Variants in PRKCQ observed in about 807,000 individuals in gnomAD.
PRKCQ encodes the protein protein kinase C theta.
In PRKCQ, 41 loss-of-function variants were observed where a neutral mutation model predicts 91.2. The ratio of observed to expected loss-of-function variants is 0.45; its 90% CI spans 0.35 to 0.58. PRKCQ has a LOEUF of 0.58. PRKCQ is among the 20% of genes least tolerant of loss of function. The pLI is 0.00. For synonymous variants in PRKCQ, 307 were observed against 316.9 expected (o/e 0.97, Z 0.33); for missense variants, 673 against 896.5 (o/e 0.75, Z 3.18).
At chr10:6,515,188 G>T (rs747551349) in intron 1 of PRKCQ, 44 bp from the exon 2 acceptor site, 4 of 1,608,278 alleles carry the variant, frequency 2.5e-6, no homozygotes, top group Non-Finnish European at 1.7e-6. Flanking sequence ...GGCTATAAAA[G>T]ATATTATTTT....
rs750956251 is a variant in PRKCQ at position 6,483,572 on chromosome 10, C to T, written c.1047G>A (p.Pro349=). Residue 349 remains proline, a synonymous_variant, in exon 11 of 18, where the codon CCG becomes CCA. Coordinates refer to ENST00000263125, the MANE Select transcript of PRKCQ (RefSeq NM_006257.5). ...REPQGISWES[P]LDEVDKMCHL... ...GGCACATTTTATCCACCTCATCCAA[C>T]GGAGACTCCCAGGAAATGCCCTGAG... 185 of 1,614,062 alleles carry T rather than the reference C, an allele frequency of 1.1e-4. 2 individuals are homozygous for T. The South Asian group carries it at 1.6e-3, about 14-fold the overall frequency.
At chr10:6,399,253 T>C in the PRKCQ span, among the ~76,000 whole-genome samples, 3 of 152,222 alleles carry the variant, frequency 2.0e-5, no homozygotes, top group African/African-American at 4.8e-5. Context: ...TCGATAAATA[T>C]TCACCGTGAT....
intron 1 of PRKCQ, among the ~76,000 whole-genome samples, chr10:6,579,184 G>A (rs12267257): frequency 0.012 from 1,854 of 152,306 alleles, 56 homozygotes; most frequent in African/African-American, 0.043. Context: ...CAGCAGGCTT[G>A]AGGTGTGCTC....
At chr10:6,536,605 TCTC>T (rs1417356265) in intron 1 of PRKCQ, among the ~76,000 whole-genome samples, 2 of 152,146 alleles carry the variant, frequency 1.3e-5, no homozygotes, top group African/African-American at 4.8e-5. Flanking sequence ...CCGCTCCCCT[TCTC>T]CTCTTCCTCC....
downstream of PRKCQ, among the ~76,000 whole-genome samples, chr10:6,425,652 C>A (rs1350338292): frequency 6.6e-6 from 1 of 151,998 alleles, no homozygotes; most frequent in African/African-American, 2.4e-5. Flanking sequence ...AGTCACCTGA[C>A]ATATTCATAC....
At chr10:6,552,263 G>A (rs1840216005) in intron 1 of PRKCQ, among the ~76,000 whole-genome samples, 1 of 151,902 alleles carries the variant, frequency 6.6e-6, no homozygotes, top group Admixed American at 6.6e-5. Context: ...TTTTATACAT[G>A]TTTTATATAC....
chr10:6,556,562 C>T (rs756166526), intron 1 of PRKCQ, among the ~76,000 whole-genome samples: 6 of 151,634 alleles, frequency 4.0e-5, no homozygotes, highest in Non-Finnish European at 7.4e-5. Context: ...TTACTGCTTA[C>T]TGGGTACAGA....
At chr10:6,435,352 A>G (rs1036520568) in intron 16 of PRKCQ, among the ~76,000 whole-genome samples, 1 of 152,228 alleles carries the variant, frequency 6.6e-6, no homozygotes, top group African/African-American at 2.4e-5. Context: ...CAAATTCCCT[A>G]GAAGACGTTT....
chr10:6,548,106 T>C (rs1840034071), intron 1 of PRKCQ, among the ~76,000 whole-genome samples: 1 of 152,152 alleles, frequency 6.6e-6, no homozygotes, highest in Admixed American at 6.5e-5. Context: ...AGAAGACATT[T>C]ATGCAGCCAA....
chr10:6,514,592 C>T (rs571715), intron 2 of PRKCQ, among the ~76,000 whole-genome samples: 113,682 of 152,192 alleles, frequency 0.75, 43,178 homozygotes, highest in Admixed American at 0.85. Context: ...ACTGAAGATT[C>T]GCCAAAGCAG....
At chr10:6,424,493 G>A (rs1833072370), downstream of PRKCQ, among the ~76,000 whole-genome samples, 1 of 152,124 alleles carries the variant, frequency 6.6e-6, no homozygotes, top group South Asian at 2.1e-4. Context: ...GTTGGGAAAG[G>A]ACAGAGAAAG....
intron 1 of PRKCQ, among the ~76,000 whole-genome samples, chr10:6,564,061 GGAGC>G (rs1840739780): frequency 6.6e-6 from 1 of 152,176 alleles, no homozygotes; most frequent in Non-Finnish European, 1.5e-5. Flanking sequence ...AGGCTTCTGG[GGAGC>G]TACGAGGTGC....
chr10:6,422,695 CCTT>C (rs1178001860), downstream of PRKCQ, among the ~76,000 whole-genome samples: 3 of 152,208 alleles, frequency 2.0e-5, no homozygotes, highest in Non-Finnish European at 4.4e-5. Flanking sequence ...ACTGAGCTCT[CCTT>C]CTGCCACCTG....
intron 1 of PRKCQ, among the ~76,000 whole-genome samples, chr10:6,566,792 A>G (rs1840852110): frequency 6.6e-6 from 1 of 152,124 alleles, no homozygotes. Flanking sequence ...GGAAGAAGTC[A>G]GTGCACCCAA....
At chr10:6,493,969 C>T (rs1033704012) in intron 7 of PRKCQ, among the ~76,000 whole-genome samples, 1 of 152,166 alleles carries the variant, frequency 6.6e-6, no homozygotes, top group Admixed American at 6.5e-5. Context: ...AGGCTGACTC[C>T]GTCAAATTCA....
chr10:6,486,019 C>G lies in PRKCQ; in HGVS notation c.900+16G>C, dbSNP rs200485364. ...AGCGGCCATGGCGGGAACGTGTCCA[C>G]GGCACATGCTCCTACCTGTTGAGTG... On this transcript the variant is annotated intron_variant, in intron 9 of 17. Coordinates refer to ENST00000263125, the MANE Select transcript of PRKCQ (RefSeq NM_006257.5). The G allele has an allele frequency of 6.2e-7, 1 of 1,603,596 alleles. No individual in the cohort carries two copies. Among genetic ancestry groups the G allele is most frequent in the Non-Finnish European group, 8.5e-7 (1 of 1,172,046 alleles).
intron 8 of PRKCQ, among the ~76,000 whole-genome samples, chr10:6,487,828 T>C (rs1018458109): frequency 6.6e-6 from 1 of 151,692 alleles, no homozygotes; most frequent in African/African-American, 2.4e-5. Flanking sequence ...TGAAACCTCA[T>C]CTCTACTAAA....
intron 12 of PRKCQ, among the ~76,000 whole-genome samples, chr10:6,467,681 A>G (rs1835763164): frequency 6.6e-6 from 1 of 152,136 alleles, no homozygotes; most frequent in African/African-American, 2.4e-5. Flanking sequence ...GTCTGTGAGA[A>G]ATGAGACTGT....
In PRKCQ at chr10:6,576,549, A is replaced by G. The variant is rs1370593668; in HGVS notation, c.-10+3662T>C. Among the ~76,000 whole-genome samples, 2 of 152,226 alleles carry G rather than the reference A, an allele frequency of 1.3e-5. No homozygotes were observed. Among genetic ancestry groups the G allele is most frequent in the Admixed American group, 1.3e-4 (2 of 15,288 alleles). ...TGGCTGCCAGGGGCTGAGAGGAAAG[A>G]CGGATGAGGAACGAATGTTCCACGA... is the stretch of plus-strand genomic sequence containing the variant. On this transcript the variant is annotated intron_variant, in intron 1 of 17. Coordinates refer to ENST00000263125, the MANE Select transcript of PRKCQ (RefSeq NM_006257.5). The surrounding 1 kb of genome is among the most constrained non-coding windows in gnomAD (Gnocchi z 4.2).
Sources: allele counts gnomAD v4.1 joint callset (sites outside exome capture counted in the v4.1 genomes callset), GRCh38; gene constraint gnomAD v4.1.1; non-coding constraint Gnocchi (gnomAD v3.1); transcripts MANE v1.5; gene names NCBI Gene and HGNC (gene_info 2026-07-23, HGNC 2026-07-21).